FAM171B: variants seen among roughly 807,000 people sequenced by gnomAD.
The protein encoded by FAM171B is family with sequence similarity 171 member B.
FAM171B carries 19 observed loss-of-function variants against 75.6 expected under a neutral mutation model. The observed-to-expected ratio is 0.25, with a 90% CI of 0.18 to 0.37. The LOEUF is 0.37. Ranked by LOEUF, FAM171B falls within the 10% of genes least tolerant of loss-of-function variation. FAM171B has a pLI of 1.00. For synonymous variants in FAM171B, 367 were observed against 361.7 expected (o/e 1.01, Z -0.17); for missense variants, 848 against 982.4 (o/e 0.86, Z 1.83).
Position 186,754,068 on chromosome 2 carries a change from G to A in FAM171B, c.1012+19G>A. ...ACTAGAGGTATTGTAAAAAATGAAA[G>A]TAATTAAAACATGTAATTCAAATAG... On this transcript the variant is annotated intron_variant, in intron 6 of 7. Coordinates refer to ENST00000304698, the MANE Select transcript of FAM171B (RefSeq NM_177454.4). 3 of 1,550,440 alleles carry A rather than the reference G, an allele frequency of 1.9e-6. No homozygotes were observed. The highest frequency in any genetic ancestry group is 2.6e-6 in the Non-Finnish European group (3 of 1,139,038).
chr2:186,724,673 T>A (rs2595398), intron 1 of FAM171B, among the ~76,000 whole-genome samples: 3 of 152,048 alleles, frequency 2.0e-5, no homozygotes, highest in African/African-American at 7.2e-5. Flanking sequence ...TGACAAAGAC[T>A]TTTAGAAAGT....
At position 186,762,125 on chromosome 2, in the gene FAM171B, G is replaced by A. The variant is rs758649237; in HGVS notation, c.1783G>A (p.Ala595Thr). 4.3e-6 allele frequency: 7 copies of A among 1,613,652 alleles called. No homozygotes were observed. The South Asian group carries it at 7.7e-5, about 18-fold the overall frequency. Residue 595 changes from alanine to threonine, a missense_variant, in exon 8 of 8, where the codon GCA becomes ACA. By Grantham distance (58) the Ala-to-Thr change is moderately conservative. Transcript: ENST00000304698. The surrounding 1 kb of genome is among the most constrained non-coding windows in gnomAD (Gnocchi z 4.0). Reference protein sequence around the residue: ...TLPKMPIHSHAQPPDAREEDI... With the variant: ...TLPKMPIHSHTQPPDAREEDI... ...GCCCAAAATGCCAATTCATTCTCATGCACAGCCCCCAGATGCCAGGGAAGA... is the reference window on the plus strand; with the variant it reads ...GCCCAAAATGCCAATTCATTCTCATACACAGCCCCCAGATGCCAGGGAAGA...
intron 1 of FAM171B, among the ~76,000 whole-genome samples, chr2:186,715,851 A>G (rs1689867751): frequency 6.6e-6 from 1 of 152,226 alleles, no homozygotes; most frequent in Non-Finnish European, 1.5e-5. Context: ...TGTTCAGCAT[A>G]GTAATGAATT....
Position 186,740,410 on chromosome 2 carries a change from A to G in FAM171B, c.421A>G (p.Lys141Glu), listed in dbSNP as rs1168835234. 1.2e-6 allele frequency: 2 copies of G among 1,613,922 alleles called. No individual in the cohort carries two copies. The highest frequency in any genetic ancestry group is 8.5e-7 in the Non-Finnish European group (1 of 1,179,920). The change falls in exon 2 of 8, where the codon AAA becomes GAA. Residue 141 changes from lysine (K) to glutamate (E), a missense_variant. This residue lies in a region of FAM171B where 665 missense variants were observed against 729.0 expected (regional missense o/e 0.91). Coordinates refer to ENST00000304698, the MANE Select transcript of FAM171B (RefSeq NM_177454.4). ...LGLSLTIIAY[K>E]DGYVLTPLPW... ...ACTTAGTTTAACTATTATTGCTTAC[A>G]AAGATGGCTACGTGTTGACCCCTCT...
chr2:186,735,149 C>T (rs1002332418), intron 1 of FAM171B, among the ~76,000 whole-genome samples: 1 of 152,210 alleles, frequency 6.6e-6, no homozygotes, highest in African/African-American at 2.4e-5. Flanking sequence ...TGTGCCTCCC[C>T]TGCTGCAGCT....
At chr2:186,709,139 T>C (rs1689774204) in intron 1 of FAM171B, among the ~76,000 whole-genome samples, 2 of 151,994 alleles carry the variant, frequency 1.3e-5, no homozygotes, top group South Asian at 2.1e-4. Flanking sequence ...CCAGATCTTG[T>C]GAGTACTGAC....
intron 5 of FAM171B, among the ~76,000 whole-genome samples, chr2:186,752,413 A>C (rs768434284): frequency 6.6e-6 from 1 of 152,180 alleles, no homozygotes; most frequent in African/African-American, 2.4e-5. Flanking sequence ...TGTTTTAAAG[A>C]AAGAGTGGAA....
At chr2:186,697,336 G>C (rs376112099) in intron 1 of FAM171B, among the ~76,000 whole-genome samples, 4 of 152,168 alleles carry the variant, frequency 2.6e-5, no homozygotes, top group South Asian at 4.1e-4. Context: ...CATGGCTCAA[G>C]TCAGTCTCAA....
intron 1 of FAM171B, among the ~76,000 whole-genome samples, chr2:186,718,700 C>T (rs1244370131): frequency 1.3e-5 from 2 of 152,100 alleles, no homozygotes; most frequent in African/African-American, 2.4e-5. Context: ...GCTGTTATGC[C>T]GTATACTCCT....
Position 186,762,783 on chromosome 2 carries a change from G to C in FAM171B, c.2441G>C (p.Trp814Ser), listed in dbSNP as rs556926753. ...LAKRDSKTNI[W>S]KKREERPLIP... ...AAAAGAGATAGCAAGACTAACATCT[G>C]GAAGAAGCGAGAGGAACGCCCACTG... Residue 814 changes from tryptophan (W) to serine (S), a missense_variant, in exon 8 of 8, where the codon TGG becomes TCG. This residue lies in a region of FAM171B where 136 missense variants were observed against 159.3 expected (regional missense o/e 0.85). Transcript: ENST00000304698. The surrounding 1 kb of genome is among the most constrained non-coding windows in gnomAD (Gnocchi z 4.0). 2 of 1,612,986 alleles carry C rather than the reference G, an allele frequency of 1.2e-6. No individual in the cohort carries two copies. Among genetic ancestry groups the C allele is most frequent in the Admixed American group, 3.3e-5 (2 of 59,878 alleles).
intron 1 of FAM171B, among the ~76,000 whole-genome samples, chr2:186,733,189 A>T (rs1163555140): frequency 6.6e-6 from 1 of 152,212 alleles, no homozygotes; most frequent in Non-Finnish European, 1.5e-5. Context: ...TTTGAAATCA[A>T]TAAAATGGAT....
intron 6 of FAM171B, among the ~76,000 whole-genome samples, chr2:186,760,195 C>G (rs974814334): frequency 6.6e-6 from 1 of 152,020 alleles, no homozygotes; most frequent in Admixed American, 6.6e-5. Context: ...TCATCCTAGT[C>G]AGCTTTTACT....
chr2:186,716,804 G>A (rs532755015), intron 1 of FAM171B, among the ~76,000 whole-genome samples: 2 of 152,266 alleles, frequency 1.3e-5, no homozygotes, highest in East Asian at 1.9e-4. Flanking sequence ...ATAGTTAATA[G>A]TGCAATATTT....
In FAM171B at chr2:186,694,256, C is replaced by A; in HGVS notation, c.83C>A (p.Ala28Glu). ...VVLLKARLVP[A>E]AARAELSRSD... ...CTGCTGAAAGCGCGGCTGGTCCCCG[C>A]GGCCGCCAGAGCGGAACTCAGCCGC... Residue 28 changes from alanine to glutamate, a missense_variant, in exon 1 of 8, where the codon GCG (alanine) becomes GAG (glutamate). Physicochemically the swap from Ala to Glu is moderately radical, Grantham distance 107 (BLOSUM62 -1). Coordinates refer to ENST00000304698, the MANE Select transcript of FAM171B (RefSeq NM_177454.4). 6.2e-7 allele frequency: 1 copy of A among 1,611,116 alleles called. No homozygotes were observed. The highest frequency in any genetic ancestry group is 8.5e-7 in the Non-Finnish European group (1 of 1,179,626).
chr2:186,718,302 C>G (rs1365625948), intron 1 of FAM171B, among the ~76,000 whole-genome samples: 2 of 152,168 alleles, frequency 1.3e-5, no homozygotes, highest in African/African-American at 4.8e-5. Flanking sequence ...GGAATGAAAT[C>G]CAGTCATTTC....
intron 2 of FAM171B, 61 bp downstream of exon 2, chr2:186,740,522 C>CTGTT: frequency 7.3e-7 from 1 of 1,376,108 alleles, no homozygotes; most frequent in Non-Finnish European, 1.0e-6. Context: ...ATTATTTTCT[C>CTGTT]TGTTTGGGGG....
At chr2:186,734,100 G>A (rs577528716) in intron 1 of FAM171B, among the ~76,000 whole-genome samples, 1 of 152,308 alleles carries the variant, frequency 6.6e-6, no homozygotes, top group South Asian at 2.1e-4. Flanking sequence ...GGTGAAGAGT[G>A]CATTATTGAG....
At chr2:186,737,272 A>G (rs1230683099) in intron 1 of FAM171B, among the ~76,000 whole-genome samples, 1 of 152,276 alleles carries the variant, frequency 6.6e-6, no homozygotes, top group Admixed American at 6.5e-5. Flanking sequence ...AGACGTTATC[A>G]AGATCTGTAC....
At chr2:186,706,007 T>C (rs1689728961) in intron 1 of FAM171B, among the ~76,000 whole-genome samples, 1 of 152,246 alleles carries the variant, frequency 6.6e-6, no homozygotes, top group Admixed American at 6.5e-5. Context: ...CCAGAAACTC[T>C]CTGCATTTTG....
Sources: allele counts gnomAD v4.1 joint callset (sites outside exome capture counted in the v4.1 genomes callset), GRCh38; gene constraint gnomAD v4.1.1; regional missense constraint gnomAD v4.1.1; non-coding constraint Gnocchi (gnomAD v3.1); transcripts MANE v1.5; gene names NCBI Gene and HGNC (gene_info 2026-07-23, HGNC 2026-07-21).